The following ZNF441 variants were observed in gnomAD, a reference collection of about 807,000 sequenced individuals.
ZNF441 encodes the protein zinc finger protein 441.
A neutral mutation model predicts 64.5 loss-of-function variants in ZNF441; 25 were observed. That is an observed-to-expected ratio of 0.39 (90% CI 0.28 to 0.54). The LOEUF (loss-of-function observed/expected upper bound fraction) is 0.54. Ranked by LOEUF, ZNF441 falls within the 20% of genes least tolerant of loss-of-function variation. ZNF441 has a pLI of 0.70. For missense variants in ZNF441, 715 were observed against 843.3 expected (o/e 0.85, Z 1.88); for synonymous variants, 262 against 268.0 (o/e 0.98, Z 0.22).
intron 3 of ZNF441, among the ~76,000 whole-genome samples, chr19:11,779,599 G>C (rs1161543166): frequency 6.6e-6 from 1 of 152,128 alleles, no homozygotes; most frequent in African/African-American, 2.4e-5. Context: ...CAAAAAATTA[G>C]CCAGGTGTGG....
rs1975415038 is a variant in ZNF441 at position 11,782,860 on chromosome 19, T to G, written c.*954T>G. On this transcript the variant is annotated 3_prime_UTR_variant, in exon 4 of 4. Transcript: ENST00000357901. ...TCTGTAAAACTACTAGAAGAAAACA[T>G]ATTGAAAATACTTCAGGACATTGGT... The G allele has an allele frequency of 6.6e-6, 1 of 152,170 alleles. No homozygotes were observed. Among genetic ancestry groups the G allele is most frequent in the Admixed American group, 6.5e-5 (1 of 15,280 alleles). 9.4% of individuals were successfully genotyped at this position (152,170 alleles called of 1,614,324 possible). A position where few individuals can be genotyped will look rare whatever the true frequency, so the allele number is the denominator to read the frequency against.
rs1400060345 is a variant in ZNF441 at position 11,777,601 on chromosome 19, A to G, written c.4-10A>G. 1 of 1,609,190 alleles carries G rather than the reference A, an allele frequency of 6.2e-7. No homozygotes were observed. The highest frequency in any genetic ancestry group is 8.5e-7 in the Non-Finnish European group (1 of 1,178,012). On this transcript the variant is annotated splice_polypyrimidine_tract_variant and intron_variant, in intron 1 of 3. Coordinates refer to ENST00000357901, the MANE Select transcript of ZNF441 (RefSeq NM_152355.3). ...TAATATTCCTCCTCTGCACATGTGAAATATTTCAGGACTCAGTGGCATTTG... is the reference window on the plus strand; with the variant it reads ...TAATATTCCTCCTCTGCACATGTGAGATATTTCAGGACTCAGTGGCATTTG...
chr19:11,783,866 C>CA lies in ZNF441; in HGVS notation c.*1965dup, dbSNP rs1327524923. On this transcript the variant is annotated 3_prime_UTR_variant, in exon 4 of 4. Transcript: ENST00000357901. ...GCATACTAGAGTGAACTATAGTTAGCAAAAATATATTGCATATTTCAAAGT... is the reference window on the plus strand; with the variant it reads ...GCATACTAGAGTGAACTATAGTTAGCAAAAAATATATTGCATATTTCAAAGT... The CA allele has an allele frequency of 6.6e-6, 1 of 152,052 alleles. No individual in the cohort carries two copies. Among genetic ancestry groups the CA allele is most frequent in the Non-Finnish European group, 1.5e-5 (1 of 68,006 alleles). 9.4% of individuals were successfully genotyped at this position (152,052 alleles called of 1,614,324 possible).
chr19:11,772,788 G>A (rs1308070198), intron 1 of ZNF441, among the ~76,000 whole-genome samples: 2 of 152,042 alleles, frequency 1.3e-5, no homozygotes, highest in Non-Finnish European at 2.9e-5. Context: ...AGCCACTCAG[G>A]AAGCTGAGGT....
At chr19:11,773,740 T>C (rs1385381752) in intron 1 of ZNF441, among the ~76,000 whole-genome samples, 1 of 152,192 alleles carries the variant, frequency 6.6e-6, no homozygotes, top group Admixed American at 6.5e-5. Flanking sequence ...AAAATCTTAT[T>C]TGTCTGAATT....
chr19:11,774,542 G>A (rs897255524), intron 1 of ZNF441, among the ~76,000 whole-genome samples: 69 of 152,026 alleles, frequency 4.5e-4, no homozygotes, highest in African/African-American at 1.6e-3. Context: ...GCTCACATCT[G>A]TTGAACATCT....
rs180730698 is a variant in ZNF441, at chr19:11,781,288, A to G, written c.1464A>G (p.Lys488=). The change falls in exon 4 of 4, where the codon AAA becomes AAG. Residue 488 remains lysine (K), a synonymous_variant. Coordinates refer to ENST00000357901, the MANE Select transcript of ZNF441 (RefSeq NM_152355.3). The stretch of plus-strand genomic sequence containing the variant: ...GTGGAAAAGCACTTTCTCATCTGAA[A>G]AGCTTTCAGAGACACATGATAATGC... ...KQCGKALSHL[K]SFQRHMIMHT... The G allele has an allele frequency of 1.2e-6, 2 of 1,613,582 alleles. No individual in the cohort carries two copies.
Position 11,769,187 on chromosome 19 carries a change from C to T in ZNF441, c.3+1991C>T, listed in dbSNP as rs77957445. Among the ~76,000 whole-genome samples the T allele has an allele frequency of 3.5e-3, 527 of 152,232 alleles. 21 individuals carry two copies. The East Asian group carries it at 0.084, about 24-fold the overall frequency. On this transcript the variant is annotated intron_variant, in intron 1 of 3. Transcript: ENST00000357901. ...AAACCCCTTTTTTGGTATGGAAAAA[C>T]GAAACCACACTCAAAATGGAAGCTG...
Position 11,782,794 on chromosome 19 carries a change from G to T in ZNF441, c.*888G>T, listed in dbSNP as rs1007054637. 1 of 152,166 alleles carries T rather than the reference G, an allele frequency of 6.6e-6. No homozygotes were observed. Among genetic ancestry groups the T allele is most frequent in the Non-Finnish European group, 1.5e-5 (1 of 68,018 alleles). The allele number at this position is 152,166 out of a possible 1,614,324, so 9.4% of individuals were successfully genotyped here. ...GGAGCCTTTGTTGCATGACAGGATT[G>T]TACCTGAAGATCACATTCTTTAACA... is the stretch of plus-strand genomic sequence containing the variant. On this transcript the variant is annotated 3_prime_UTR_variant, in exon 4 of 4. Coordinates refer to ENST00000357901, the MANE Select transcript of ZNF441 (RefSeq NM_152355.3).
Position 11,776,328 on chromosome 19 carries a change from C to G in ZNF441, c.4-1283C>G, listed in dbSNP as rs547544239. Among the ~76,000 whole-genome samples the G allele has an allele frequency of 1.1e-4, 16 of 152,262 alleles. No homozygotes were observed. The South Asian group carries it at 2.7e-3, about 26-fold the overall frequency. ...AACTTTCCTACTATTTGTCACCTTCCTTATTCTATTTGTTTATCTCTGTGT... is the reference window on the plus strand; with the variant it reads ...AACTTTCCTACTATTTGTCACCTTCGTTATTCTATTTGTTTATCTCTGTGT... On this transcript the variant is annotated intron_variant, in intron 1 of 3. Transcript: ENST00000357901.
In ZNF441 at chr19:11,781,237, A is replaced by C; in HGVS notation, c.1413A>C (p.Gly471=). 1 of 1,613,856 alleles carries C rather than the reference A, an allele frequency of 6.2e-7. No individual in the cohort carries two copies. Among genetic ancestry groups the C allele is most frequent in the Non-Finnish European group, 8.5e-7 (1 of 1,179,984 alleles). ...GAGTACATGAAAAGACTCACACTGG[A>C]GAAAAGCCCTATGAATGTAAGCAGT... The part of the protein sequence containing the change: ...YIRVHEKTHT[G]EKPYECKQCG... The change falls in exon 4 of 4, where the codon GGA becomes GGC. Residue 471 remains glycine, a synonymous_variant. Transcript: ENST00000357901.
At chr19:11,776,411 G>A (rs568927251) in intron 1 of ZNF441, among the ~76,000 whole-genome samples, 25 of 152,298 alleles carry the variant, frequency 1.6e-4, no homozygotes, top group Non-Finnish European at 2.8e-4. Context: ...TTTTTGGAAA[G>A]CTGTTGCTTT....
chr19:11,777,302 G>C (rs776514930), intron 1 of ZNF441, among the ~76,000 whole-genome samples: 3 of 151,904 alleles, frequency 2.0e-5, no homozygotes, highest in Non-Finnish European at 4.4e-5. Flanking sequence ...GTAGGACTTT[G>C]TCATGACAAG....
chr19:11,778,806 T>C (rs943988821), intron 3 of ZNF441, among the ~76,000 whole-genome samples: 3 of 152,218 alleles, frequency 2.0e-5, no homozygotes, highest in African/African-American at 7.2e-5. Context: ...ACCTTAAATT[T>C]ATTTATTCTT....
chr19:11,780,300 A>G lies in ZNF441; in HGVS notation c.476A>G (p.His159Arg). The G allele has an allele frequency of 3.7e-6, 6 of 1,614,208 alleles. No individual in the cohort carries two copies. The highest frequency in any genetic ancestry group is 2.2e-5 in the East Asian group (1 of 44,892). ...AFSYQPCFQI[H>R]ERPQHGKKLY... is the part of the protein sequence containing the mutation. ...AGTTATCAGCCCTGCTTTCAAATAC[A>G]TGAAAGACCTCAGCATGGAAAGAAA... The change falls in exon 4 of 4, where the codon CAT becomes CGT. Residue 159 changes from histidine to arginine, a missense_variant. His to Arg is a conservative substitution (Grantham distance 29, BLOSUM62 0). Transcript: ENST00000357901.
chr19:11,782,556 A>G lies in ZNF441; in HGVS notation c.*650A>G, dbSNP rs191677706. The G allele has an allele frequency of 6.6e-6, 1 of 152,336 alleles. No individual in the cohort carries two copies. The highest frequency in any genetic ancestry group is 1.5e-5 in the Non-Finnish European group (1 of 68,010). The allele number at this position is 152,336 out of a possible 1,614,324, so 9.4% of individuals were successfully genotyped here. ...AGTCTACATGTTCAGTACAAATACA[A>G]CTGTCATTCATTGTCCTAAGTACGT... On this transcript the variant is annotated 3_prime_UTR_variant, in exon 4 of 4. Transcript: ENST00000357901.
At position 11,777,655 on chromosome 19, in the gene ZNF441, G is replaced by C; in HGVS notation, c.48G>C (p.Glu16Asp). 1 of 1,613,796 alleles carries C rather than the reference G, an allele frequency of 6.2e-7. No individual in the cohort carries two copies. Among genetic ancestry groups the C allele is most frequent in the Non-Finnish European group, 8.5e-7 (1 of 1,179,776 alleles). Residue 16 changes from glutamate (E) to aspartate (D), a missense_variant, in exon 2 of 4, where the codon GAG becomes GAC. This residue lies in a region of ZNF441 where 399 missense variants were observed against 413.9 expected (regional missense o/e 0.96). Coordinates refer to ENST00000357901, the MANE Select transcript of ZNF441 (RefSeq NM_152355.3). ...FEDVAINFTC[E>D]EWALLGPSQK... ...ATGTGGCTATAAACTTCACCTGTGA[G>C]GAGTGGGCTTTGCTGGGTCCATCAC...
At chr19:11,777,990 A>T (rs1042467046) in intron 2 of ZNF441, 1 of 397,376 alleles carries the variant, frequency 2.5e-6, no homozygotes, top group African/African-American at 2.1e-5. Context: ...ATATATTCTC[A>T]CAGGAAAGTA....
chr19:11,777,855 C>T, intron 2 of ZNF441, 118 bp downstream of exon 2: 1 of 1,194,524 alleles, frequency 8.4e-7, no homozygotes. Context: ...AACCAGCCAC[C>T]CAAGCAGTCA....
Sources: allele counts gnomAD v4.1 joint callset (sites outside exome capture counted in the v4.1 genomes callset), GRCh38; gene constraint gnomAD v4.1.1; regional missense constraint gnomAD v4.1.1; transcripts MANE v1.5; gene names NCBI Gene and HGNC (gene_info 2026-07-23, HGNC 2026-07-21).